LRBA: variants seen among roughly 807,000 people sequenced by gnomAD.
The protein encoded by LRBA is lipopolysaccharide-responsive and beige-like anchor protein.
A neutral mutation model predicts 330.0 loss-of-function variants in LRBA; 176 were observed. The observed-to-expected ratio is 0.53, with a 90% confidence interval of 0.47 to 0.60. The LOEUF is 0.60. LRBA is among the 20% of genes least tolerant of loss of function. The pLI, the probability that LRBA is intolerant of heterozygous loss-of-function variation, is 0.00. For missense variants in LRBA, 3,259 were observed against 3,444.8 expected, an observed-to-expected ratio of 0.95 and a Z score of 1.35; for synonymous variants, 1,230 against 1,193.0, an observed-to-expected ratio of 1.03 and a Z score of -0.64.
At chr4:150,602,531 GCTCC>G (rs1262863184) in intron 37 of LRBA, among the ~76,000 whole-genome samples, 2 of 152,028 alleles carry the variant, frequency 1.3e-5, no homozygotes, top group Non-Finnish European at 2.9e-5. Flanking sequence ...CCCTAAGTCT[GCTCC>G]CTCCAACAAC....
intron 31 of LRBA, among the ~76,000 whole-genome samples, chr4:150,809,920 GATACGATAC>G (rs1743460321): frequency 9.4e-6 from 1 of 106,276 alleles, no homozygotes; most frequent in Non-Finnish European, 2.0e-5. Context: ...GATACGATAC[GATACGATAC>G]GATACTTCCC....
chr4:150,861,957 G>T (rs1255817932), intron 22 of LRBA, among the ~76,000 whole-genome samples: 1 of 151,314 alleles, frequency 6.6e-6, no homozygotes, highest in African/African-American at 2.4e-5. Flanking sequence ...CTCCAGCCTG[G>T]GCAACAGAGC....
In LRBA at chr4:150,974,658, A is replaced by C. The variant is rs76949173; in HGVS notation, c.216+39769T>G. ...GCAGATAAATAGAAGCGCTGGCTAC[A>C]GTGCTGACAGAAACCTTGTCTTTCA... On this transcript the variant is annotated intron_variant, in intron 2 of 56. Coordinates refer to ENST00000651943, the MANE Select transcript of LRBA (RefSeq NM_001364905.1). Among the ~76,000 whole-genome samples the C allele has an allele frequency of 2.8e-4, 42 of 152,376 alleles. 2 individuals carry two copies. In the East Asian group the frequency reaches 7.9e-3, roughly 29 times the overall value.
In LRBA at chr4:150,321,578, G is replaced by A. The variant is rs565966284; in HGVS notation, c.7453-210C>T. On this transcript the variant is annotated intron_variant, in intron 49 of 56. Transcript: ENST00000651943. This position sits in a 1 kb window ranked among gnomAD's most constrained non-coding sequence, Gnocchi z 4.5. Reference sequence around the variant, plus strand: ...CATGTATGTCGTTAGTTGGAATTTTGGGGGACTGAAGTAGAATACATTAAC... The same window carrying A: ...CATGTATGTCGTTAGTTGGAATTTTAGGGGACTGAAGTAGAATACATTAAC... Among the ~76,000 whole-genome samples the A allele has an allele frequency of 6.6e-6, 1 of 152,132 alleles. No homozygotes were observed. The highest frequency in any genetic ancestry group is 2.4e-5 in the African/African-American group (1 of 41,418).
At chr4:150,756,058 AAGAC>A (rs1221902086) in intron 35 of LRBA, among the ~76,000 whole-genome samples, 2 of 151,710 alleles carry the variant, frequency 1.3e-5, no homozygotes, top group Non-Finnish European at 2.9e-5. Context: ...AAAAAAAAAA[AAGAC>A]AGAAAACTCT....
Position 150,579,434 on chromosome 4 carries a change from G to C in LRBA, c.6330+8614C>G, listed in dbSNP as rs577392716. 7.1e-6 allele frequency: 3 copies of C among 423,848 alleles called. No homozygotes were observed. The East Asian group carries it at 2.1e-4, about 30-fold the overall frequency. 26.3% of individuals were successfully genotyped at this position (423,848 alleles called of 1,614,324 possible). ...TTTGCTGGAAGTGTTTAAGTTTATT[G>C]CTCGAATGATGTTTCTAATTAGTAC... On this transcript the variant is annotated intron_variant, in intron 40 of 56. Coordinates refer to ENST00000651943, the MANE Select transcript of LRBA (RefSeq NM_001364905.1).
chr4:150,583,611 G>A lies in LRBA; in HGVS notation c.6330+4437C>T. The A allele has an allele frequency of 6.2e-7, 1 of 1,614,020 alleles. No homozygotes were observed. Among genetic ancestry groups the A allele is most frequent in the Non-Finnish European group, 8.5e-7 (1 of 1,180,024 alleles). ...AGTGGCCTATGCCCCACATCCCTTG[G>A]CCCGGCCCCAATCGGGTGGCCGAGG... On this transcript the variant is annotated intron_variant, in intron 40 of 56. Transcript: ENST00000651943. The surrounding 1 kb of genome is among the most constrained non-coding windows in gnomAD (Gnocchi z 9.8).
chr4:150,347,994 T>C (rs1252132152), intron 48 of LRBA, among the ~76,000 whole-genome samples: 1 of 152,194 alleles, frequency 6.6e-6, no homozygotes, highest in East Asian at 1.9e-4. Flanking sequence ...TAATTAAAAT[T>C]AAGCATTTAG....
At chr4:150,942,777 G>A (rs939926619) in intron 2 of LRBA, among the ~76,000 whole-genome samples, 2 of 151,934 alleles carry the variant, frequency 1.3e-5, no homozygotes, top group African/African-American at 4.8e-5. Flanking sequence ...AAAAAAAAAT[G>A]TGTCCATTCA....
chr4:150,998,540 A>C (rs2149644697), intron 2 of LRBA, among the ~76,000 whole-genome samples: 1 of 152,030 alleles, frequency 6.6e-6, no homozygotes, highest in Non-Finnish European at 1.5e-5. Flanking sequence ...TTTTTTGTAG[A>C]TATAGGATCT....
intron 46 of LRBA, among the ~76,000 whole-genome samples, chr4:150,429,586 A>G (rs756749611): frequency 9.9e-5 from 15 of 152,152 alleles, no homozygotes; most frequent in Non-Finnish European, 2.2e-4. Flanking sequence ...TACAGTTTAT[A>G]TATTCAAATG....
chr4:150,284,098 G>A (rs768115363), intron 54 of LRBA, among the ~76,000 whole-genome samples: 6 of 152,322 alleles, frequency 3.9e-5, no homozygotes, highest in African/African-American at 1.4e-4. Context: ...ATAGAAGAGC[G>A]AGCTGCCTGT....
intron 40 of LRBA, among the ~76,000 whole-genome samples, chr4:150,504,953 C>G (rs569270511): frequency 1.3e-5 from 2 of 152,172 alleles, no homozygotes; most frequent in African/African-American, 4.8e-5. Context: ...AGACTTTAAA[C>G]CAACAAAGAT....
chr4:150,559,938 A>ATC (rs1768092745), intron 40 of LRBA, among the ~76,000 whole-genome samples: 1 of 106,618 alleles, frequency 9.4e-6, no homozygotes, highest in Admixed American at 1.5e-4. Flanking sequence ...ATATATATAT[A>ATC]TCTATATAAA....
chr4:150,481,329 A>AT (rs1757273533), intron 42 of LRBA, among the ~76,000 whole-genome samples: 1 of 152,078 alleles, frequency 6.6e-6, no homozygotes, highest in South Asian at 2.1e-4. Flanking sequence ...CAATGTACTG[A>AT]TATCCTTTCG....
intron 44 of LRBA, among the ~76,000 whole-genome samples, chr4:150,457,397 G>A (rs911080030): frequency 6.6e-6 from 1 of 151,944 alleles, no homozygotes; most frequent in African/African-American, 2.4e-5. Context: ...GACAAAAGAT[G>A]CCCAGCAAAT....
intron 22 of LRBA, among the ~76,000 whole-genome samples, chr4:150,864,411 A>G (rs1038726268): frequency 6.6e-6 from 1 of 152,092 alleles, no homozygotes; most frequent in Non-Finnish European, 1.5e-5. Context: ...GAAAATGATT[A>G]TTTTTCAAAA....
chr4:150,668,463 CTTTAT>C (rs1286018480), intron 37 of LRBA, among the ~76,000 whole-genome samples: 1 of 152,156 alleles, frequency 6.6e-6, no homozygotes, highest in Non-Finnish European at 1.5e-5. Flanking sequence ...TCACTCTAGA[CTTTAT>C]TTTATTTTGT....
At chr4:150,758,154 T>C (rs967807201) in intron 35 of LRBA, among the ~76,000 whole-genome samples, 1 of 152,220 alleles carries the variant, frequency 6.6e-6, no homozygotes, top group Non-Finnish European at 1.5e-5. Context: ...TAAAGTGTGT[T>C]ACAAGAGAGG....
Sources: gnomAD v4.1 joint callset for allele counts (sites outside exome capture counted in the v4.1 genomes callset) on GRCh38, gnomAD v4.1.1 for gene constraint, Gnocchi (gnomAD v3.1) non-coding constraint, MANE v1.5 for transcripts, NCBI Gene and HGNC (gene_info 2026-07-23, HGNC 2026-07-21) for gene names.